The following GHR variants were observed in gnomAD, a reference collection of about 807,000 sequenced individuals.
GHR encodes growth hormone receptor, also known as GH receptor.
A neutral mutation model predicts 67.1 loss-of-function variants in GHR; 35 were observed. The ratio of observed to expected loss-of-function variants is 0.52; its 90% CI spans 0.40 to 0.69. The LOEUF is 0.69. Among genes scored for constraint, GHR ranks in the 30% least tolerant of loss-of-function variants. The pLI is 0.00. For missense variants in GHR, 792 were observed against 764.6 expected, an observed-to-expected ratio of 1.04 and a Z score of -0.42; for synonymous variants, 272 against 269.1, an observed-to-expected ratio of 1.01 and a Z score of -0.10.
At chr5:42,677,567 T>C (rs1337843919) in intron 3 of GHR, among the ~76,000 whole-genome samples, 1 of 152,136 alleles carries the variant, frequency 6.6e-6, no homozygotes, top group African/African-American at 2.4e-5. Context: ...AAATCACCTC[T>C]GAACAGTGAG....
intron 1 of GHR, among the ~76,000 whole-genome samples, chr5:42,456,264 T>C (rs1020890425): frequency 1.3e-5 from 2 of 152,232 alleles, no homozygotes; most frequent in African/African-American, 4.8e-5. Context: ...TGAGCCGAGA[T>C]CGTGCCACTG....
intron 5 of GHR, among the ~76,000 whole-genome samples, chr5:42,698,332 A>G: frequency 6.6e-6 from 1 of 152,188 alleles, no homozygotes; most frequent in East Asian, 1.9e-4. Flanking sequence ...CAAATGCAGC[A>G]TAAGTAATGA....
chr5:42,516,943 G>A (rs1336200991), intron 1 of GHR, among the ~76,000 whole-genome samples: 4 of 152,156 alleles, frequency 2.6e-5, no homozygotes, highest in East Asian at 3.8e-4. Context: ...ATTATTTACC[G>A]GTGTTCACTA....
intron 2 of GHR, among the ~76,000 whole-genome samples, chr5:42,579,157 TA>T (rs1442449011): frequency 3.7e-5 from 3 of 81,032 alleles, no homozygotes; most frequent in South Asian, 3.0e-4. Context: ...TAGATATAGA[TA>T]GATAGATAGA....
At chr5:42,612,588 T>G (rs1470505903) in intron 2 of GHR, among the ~76,000 whole-genome samples, 1 of 152,162 alleles carries the variant, frequency 6.6e-6, no homozygotes, top group Non-Finnish European at 1.5e-5. Context: ...ATATAGATAC[T>G]GATTTTTACA....
chr5:42,572,531 A>G (rs978248958), intron 2 of GHR, among the ~76,000 whole-genome samples: 2 of 152,218 alleles, frequency 1.3e-5, no homozygotes, highest in Non-Finnish European at 2.9e-5. Context: ...CTACGAAGAG[A>G]GTATTCCTTA....
intron 2 of GHR, among the ~76,000 whole-genome samples, chr5:42,567,738 C>T (rs888540336): frequency 2.5e-4 from 38 of 150,258 alleles, no homozygotes; most frequent in Admixed American, 2.3e-3. Flanking sequence ...TATGTAAGCA[C>T]GTTCCAGTGT....
At chr5:42,605,104 T>C (rs979941601) in intron 2 of GHR, among the ~76,000 whole-genome samples, 24 of 146,088 alleles carry the variant, frequency 1.6e-4, no homozygotes, top group Non-Finnish European at 2.7e-4. Flanking sequence ...TTTTTTTTTT[T>C]TTTTTTTTTT....
At chr5:42,603,859 C>T (rs757555728) in intron 2 of GHR, among the ~76,000 whole-genome samples, 10 of 152,130 alleles carry the variant, frequency 6.6e-5, no homozygotes, top group Admixed American at 1.3e-4. Context: ...GCTCAGTCCC[C>T]GAGACTGTCT....
chr5:42,642,821 C>T (rs995519851), intron 3 of GHR, among the ~76,000 whole-genome samples: 1 of 152,140 alleles, frequency 6.6e-6, no homozygotes, highest in Non-Finnish European at 1.5e-5. Flanking sequence ...TGAGGAAATT[C>T]TGTTCCATGC....
chr5:42,553,204 C>A (rs1749127618), intron 1 of GHR, among the ~76,000 whole-genome samples: 1 of 152,142 alleles, frequency 6.6e-6, no homozygotes, highest in South Asian at 2.1e-4. Context: ...CTGGGCACAC[C>A]ATGGCCCAAC....
At chr5:42,677,279 C>G (rs895243266) in intron 3 of GHR, among the ~76,000 whole-genome samples, 1 of 151,996 alleles carries the variant, frequency 6.6e-6, no homozygotes, top group African/African-American at 2.4e-5. Flanking sequence ...TTCAGAGTGC[C>G]CAGGTCACTA....
intron 7 of GHR, 122 bp downstream of exon 7, chr5:42,711,494 T>A: frequency 1.4e-6 from 1 of 734,868 alleles, no homozygotes. Flanking sequence ...GATATCAGGA[T>A]GAGAGACCTT....
At chr5:42,576,048 A>AATAAAATAAAAT (rs1467900701) in intron 2 of GHR, among the ~76,000 whole-genome samples, 3 of 54,396 alleles carry the variant, frequency 5.5e-5, no homozygotes, top group African/African-American at 4.2e-4. Context: ...AATTAAAATA[A>AATAAAATAAAAT]TAAAATAAAA....
chr5:42,437,868 G>GAAA (rs751739180), intron 1 of GHR, among the ~76,000 whole-genome samples: 32 of 118,550 alleles, frequency 2.7e-4, no homozygotes, highest in Non-Finnish European at 5.3e-4. Flanking sequence ...CCTGTCTTCT[G>GAAA]AAAAAAAAAA....
chr5:42,704,772 T>C lies in GHR; in HGVS notation c.618+4770T>C, dbSNP rs1412405598. ...AAGAAAGTCTTAGTAGGTTGTTGTG[T>C]GTAGGAATTTATTCATTTCTCATGC... On this transcript the variant is annotated intron_variant, in intron 6 of 9. Transcript: ENST00000230882. Among the ~76,000 whole-genome samples, 3 of 152,060 alleles carry C rather than the reference T, an allele frequency of 2.0e-5. No individual in the cohort carries two copies. The East Asian group carries it at 5.8e-4, about 29-fold the overall frequency.
At chr5:42,459,161 A>G (rs1259815116) in intron 1 of GHR, among the ~76,000 whole-genome samples, 1 of 152,194 alleles carries the variant, frequency 6.6e-6, no homozygotes, top group Non-Finnish European at 1.5e-5. Context: ...TTGGATATAA[A>G]CCCAAAGGAA....
rs1168788232 is a variant in GHR, at chr5:42,563,624, C to CAAAAAAAAAA, written c.-11-2223_-11-2214dup. ...TGGGCGACAGAGCGAGACTCCGTCTCAAAAAAAAAAAAAAAAAAAAAAAAA... is the reference window on the plus strand; with the variant it reads ...TGGGCGACAGAGCGAGACTCCGTCTCAAAAAAAAAAAAAAAAAAAAAAAAAAAAAAAAAAA... On this transcript the variant is annotated intron_variant, in intron 1 of 9. Transcript: ENST00000230882. Among the ~76,000 whole-genome samples, 18 of 45,096 alleles carry CAAAAAAAAAA rather than the reference C, an allele frequency of 4.0e-4. 1 individual carries two copies. Among genetic ancestry groups the CAAAAAAAAAA allele is most frequent in the African/African-American group, 1.1e-3 (13 of 11,722 alleles). 29.6% of individuals were successfully genotyped at this position (45,096 alleles called of 152,430 possible).
At chr5:42,579,169 TAGATA>T (rs1751015554) in intron 2 of GHR, among the ~76,000 whole-genome samples, 1 of 144,066 alleles carries the variant, frequency 6.9e-6, no homozygotes, top group African/African-American at 2.7e-5. Flanking sequence ...GATAGATAGA[TAGATA>T]GATAGATAGA....
Sources: gnomAD v4.1 joint callset for allele counts (sites outside exome capture counted in the v4.1 genomes callset) on GRCh38, gnomAD v4.1.1 for gene constraint, MANE v1.5 for transcripts, NCBI Gene and HGNC (gene_info 2026-07-23, HGNC 2026-07-21) for gene names.